Variants in UGT2B10 observed in about 807,000 individuals in gnomAD.
The protein encoded by UGT2B10 is UDP-glucuronosyltransferase 2B10.
In UGT2B10, 51 loss-of-function variants were observed where a neutral mutation model predicts 43.7. The observed-to-expected ratio is 1.17, with a 90% CI of 0.93 to 1.47. The LOEUF (loss-of-function observed/expected upper bound fraction) is 1.47. Ranked by LOEUF, UGT2B10 falls within the 40% of genes most tolerant of loss-of-function variation. The probability of loss-of-function intolerance (pLI) is 0.00; values close to 1 mark genes in which losing one functional copy is unlikely to be tolerated. For missense variants in UGT2B10, 696 were observed against 617.7 expected, an observed-to-expected ratio of 1.13 and a Z score of -1.34; for synonymous variants, 225 against 209.0, an observed-to-expected ratio of 1.08 and a Z score of -0.66.
chr4:68,825,120 C>T (rs1737704872), intron 3 of UGT2B10, among the ~76,000 whole-genome samples: 1 of 151,812 alleles, frequency 6.6e-6, no homozygotes, highest in Admixed American at 6.6e-5. Context: ...AACTTACAGA[C>T]AAGTAGATAT....
At chr4:68,823,375 T>C (rs1737609195) in intron 3 of UGT2B10, among the ~76,000 whole-genome samples, 1 of 151,926 alleles carries the variant, frequency 6.6e-6, no homozygotes, top group Non-Finnish European at 1.5e-5. Context: ...GGAGTGGTGG[T>C]GTGTGCCTGT....
Position 68,830,723 on chromosome 4 carries a change from T to C in UGT2B10, c.1431T>C (p.Val477=), listed in dbSNP as rs758354623. 4 of 1,613,472 alleles carry C rather than the reference T, an allele frequency of 2.5e-6. No homozygotes were observed. Among genetic ancestry groups the C allele is most frequent in the Non-Finnish European group, 3.4e-6 (4 of 1,179,546 alleles). The change falls in exon 6 of 6, where the codon GTT becomes GTC. Residue 477 remains valine, a synonymous_variant. Coordinates refer to ENST00000265403, the MANE Select transcript of UGT2B10 (RefSeq NM_001075.6). ...MRHKGAKHLR[V]AAHNLTWFQY... Reference sequence around the variant, plus strand: ...ACAAAGGAGCCAAACATCTTCGAGTTGCAGCCCACAACCTCACCTGGTTCC... The same window carrying C: ...ACAAAGGAGCCAAACATCTTCGAGTCGCAGCCCACAACCTCACCTGGTTCC...
At chr4:68,829,993 T>C (rs2109706370) in intron 5 of UGT2B10, among the ~76,000 whole-genome samples, 1 of 152,124 alleles carries the variant, frequency 6.6e-6, no homozygotes, top group South Asian at 2.1e-4. Context: ...AAAAGAGTAA[T>C]CTAGAAGCCA....
chr4:68,828,038 C>T (rs1054629024), intron 5 of UGT2B10, among the ~76,000 whole-genome samples: 2 of 151,832 alleles, frequency 1.3e-5, no homozygotes, highest in African/African-American at 4.8e-5. Context: ...AATATTTTTA[C>T]TATGTTTACA....
intron 5 of UGT2B10, 86 bp from the exon 6 acceptor site, chr4:68,830,514 G>A (rs1190273385): frequency 1.4e-6 from 2 of 1,400,150 alleles, no homozygotes; most frequent in Non-Finnish European, 1.9e-6. Context: ...TGAATTATTT[G>A]ACACTTTAAA....
chr4:68,819,522 T>C (rs1356316474), intron 2 of UGT2B10, among the ~76,000 whole-genome samples: 1 of 152,028 alleles, frequency 6.6e-6, no homozygotes, highest in Non-Finnish European at 1.5e-5. Context: ...AGGGTTCACA[T>C]GATTTTAATA....
At chr4:68,825,386 A>G (rs560229926) in intron 3 of UGT2B10, among the ~76,000 whole-genome samples, 1 of 151,892 alleles carries the variant, frequency 6.6e-6, no homozygotes, top group African/African-American at 2.4e-5. Context: ...GGTTTTTTAC[A>G]TAGGGAAACT....
intron 2 of UGT2B10, among the ~76,000 whole-genome samples, 195 bp from the exon 3 acceptor site, chr4:68,822,076 C>T (rs1444830969): frequency 6.6e-6 from 1 of 152,004 alleles, no homozygotes; most frequent in Non-Finnish European, 1.5e-5. Flanking sequence ...ACACAAATAT[C>T]CTTAACAGAG....
At chr4:68,817,861 A>G in intron 1 of UGT2B10, among the ~76,000 whole-genome samples, 168 bp from the exon 2 acceptor site, 1 of 151,998 alleles carries the variant, frequency 6.6e-6, no homozygotes, top group Non-Finnish European at 1.5e-5. Flanking sequence ...GGCAAAATAT[A>G]GAATACATAA....
In UGT2B10 at chr4:68,826,515, A is replaced by T. The variant is rs773054508; in HGVS notation, c.1087+18A>T. 1.4e-4 allele frequency: 219 copies of T among 1,603,412 alleles called. No homozygotes were observed. The highest frequency in any genetic ancestry group is 1.8e-4 in the Non-Finnish European group (215 of 1,174,012). Reference sequence around the variant, plus strand: ...CCTTCTAGGTAACACTCTGGTGAACAATACTGGATATATTAGTAACTGCAC... The same window carrying T: ...CCTTCTAGGTAACACTCTGGTGAACTATACTGGATATATTAGTAACTGCAC... On this transcript the variant is annotated intron_variant, in intron 4 of 5. Coordinates refer to ENST00000265403, the MANE Select transcript of UGT2B10 (RefSeq NM_001075.6).
chr4:68,820,322 T>G (rs1737430457), intron 2 of UGT2B10, among the ~76,000 whole-genome samples: 1 of 152,074 alleles, frequency 6.6e-6, no homozygotes, highest in Non-Finnish European at 1.5e-5. Context: ...AATTATATAT[T>G]AGATTCTCAG....
At chr4:68,824,938 A>T (rs1578270222) in intron 3 of UGT2B10, among the ~76,000 whole-genome samples, 1 of 152,238 alleles carries the variant, frequency 6.6e-6, no homozygotes, top group East Asian at 1.9e-4. Flanking sequence ...TAATACTCTG[A>T]ATTTGTGTCA....
Position 68,830,986 on chromosome 4 carries a change from A to G in UGT2B10, c.*107A>G. ...ATTTCTTTCTTCCTGTGACAAAAAA[A>G]AATCCTTTCGAAGTCTACCTTGTCA... is the stretch of plus-strand genomic sequence containing the variant. On this transcript the variant is annotated 3_prime_UTR_variant, in exon 6 of 6. Transcript: ENST00000265403. 1.4e-6 allele frequency: 2 copies of G among 1,453,176 alleles called. No individual in the cohort carries two copies. The highest frequency in any genetic ancestry group is 1.8e-6 in the Non-Finnish European group (2 of 1,086,188). The allele number at this position is 1,453,176 out of a possible 1,614,324, so 90.0% of individuals were successfully genotyped here. A position where few individuals can be genotyped will look rare whatever the true frequency, so the allele number is the denominator to read the frequency against.
At chr4:68,823,256 C>T (rs1288777395) in intron 3 of UGT2B10, among the ~76,000 whole-genome samples, 2 of 152,018 alleles carry the variant, frequency 1.3e-5, no homozygotes, top group African/African-American at 4.8e-5. Context: ...GCCTGTAATC[C>T]CAGCACTTTG....
Position 68,830,570 on chromosome 4 carries a change from A to T in UGT2B10, c.1308-30A>T, listed in dbSNP as rs371653085. The stretch of plus-strand genomic sequence containing the variant: ...TCTACAGGCAAATTAACTTACTTTC[A>T]GTGTCGGTATCTTTATTTTTATCCT... On this transcript the variant is annotated intron_variant, in intron 5 of 5. Transcript: ENST00000265403. 85 of 1,577,826 alleles carry T rather than the reference A, an allele frequency of 5.4e-5. No homozygotes were observed. In the Middle Eastern group the frequency reaches 8.9e-4, roughly 17 times the overall value.
At chr4:68,826,952 T>C (rs1483168541) in intron 4 of UGT2B10, among the ~76,000 whole-genome samples, 1 of 152,098 alleles carries the variant, frequency 6.6e-6, no homozygotes, top group African/African-American at 2.4e-5. Flanking sequence ...TCCTCAATCT[T>C]AGCACCACCA....
Position 68,830,787 on chromosome 4 carries a change from T to A in UGT2B10, c.1495T>A (p.Cys499Ser), listed in dbSNP as rs757183522. 1.2e-6 allele frequency: 2 copies of A among 1,613,388 alleles called. No homozygotes were observed. The highest frequency in any genetic ancestry group is 2.2e-5 in the South Asian group (2 of 91,076). The change falls in exon 6 of 6, where the codon TGT becomes AGT. Residue 499 changes from cysteine (C) to serine (S), a missense_variant. Physicochemically the swap from Cys to Ser is moderately radical, Grantham distance 112. Transcript: ENST00000265403. ...GGATGTGATTGGGTTCCTGCTGGCT[T>A]GTGTGGCAACCGTGCTATTTATCAT... ...SLDVIGFLLA[C>S]VATVLFIITK...
intron 5 of UGT2B10, among the ~76,000 whole-genome samples, chr4:68,829,296 T>C (rs899423928): frequency 5.3e-5 from 8 of 152,118 alleles, no homozygotes; most frequent in African/African-American, 1.4e-4. Context: ...CAAAGTCCGG[T>C]TATTCTTTAG....
chr4:68,831,362 A>T lies in UGT2B10; in HGVS notation c.*483A>T, dbSNP rs527733467. ...CCCATTTTAGCATCCCAAAGGGATGAGATTACAGGTATGTACCACCATAAC... is the reference window on the plus strand; with the variant it reads ...CCCATTTTAGCATCCCAAAGGGATGTGATTACAGGTATGTACCACCATAAC... On this transcript the variant is annotated 3_prime_UTR_variant, in exon 6 of 6. Coordinates refer to ENST00000265403, the MANE Select transcript of UGT2B10 (RefSeq NM_001075.6). 2.6e-5 allele frequency among the ~76,000 whole-genome samples: 4 copies of T among 152,202 alleles called. No homozygotes were observed. The South Asian group carries it at 6.2e-4, about 24-fold the overall frequency.
Sources: allele counts gnomAD v4.1 joint callset (sites outside exome capture counted in the v4.1 genomes callset), GRCh38; gene constraint gnomAD v4.1.1; transcripts MANE v1.5; gene names NCBI Gene and HGNC (gene_info 2026-07-23, HGNC 2026-07-21).